ZNF771: variants seen among roughly 807,000 people sequenced by gnomAD.
ZNF771 encodes zinc finger protein 771.
Under a neutral mutation model 27.6 loss-of-function variants are expected in ZNF771, and 10 were observed. The ratio of observed to expected loss-of-function variants is 0.36; its 90% confidence interval spans 0.22 to 0.61. The LOEUF is 0.61. Among genes scored for constraint, ZNF771 ranks in the 20% least tolerant of loss-of-function variants. The pLI is 0.70. For synonymous variants in ZNF771, 261 were observed against 225.2 expected (o/e 1.16, Z -1.43); for missense variants, 438 against 503.7 (o/e 0.87, Z 1.25).
intron 1 of ZNF771, among the ~76,000 whole-genome samples, 182 bp downstream of exon 1, chr16:30,407,846 C>T (rs1339482715): frequency 6.6e-6 from 1 of 151,584 alleles, no homozygotes; most frequent in Non-Finnish European, 1.5e-5. Context: ...GGGGTGAACG[C>T]GAGCCCTCGG....
chr16:30,417,561 G>A lies in ZNF771; in HGVS notation c.148G>A (p.Gly50Ser). The A allele has an allele frequency of 8.2e-7, 1 of 1,220,708 alleles. No homozygotes were observed. Among genetic ancestry groups the A allele is most frequent in the East Asian group, 3.3e-5 (1 of 29,950 alleles). The allele number at this position is 1,220,708 out of a possible 1,614,324, so 75.6% of individuals were successfully genotyped here. A position where few individuals can be genotyped will look rare whatever the true frequency, so the allele number is the denominator to read the frequency against. The change falls in exon 3 of 3, where the codon GGC becomes AGC. Residue 50 changes from glycine (G) to serine (S), a missense_variant. By Grantham distance (56) the Gly-to-Ser change is moderately conservative. Coordinates refer to ENST00000319296, the MANE Select transcript of ZNF771 (RefSeq NM_001142305.2). ...TATCCCCCTCTCCCCGCAGGTCCCG[G>A]GCGAGGCGCCCGCGCCGTCCGCCGA... Reference protein sequence around the residue: ...KIPMDNKEVPGEAPAPSADPA... With the variant: ...KIPMDNKEVPSEAPAPSADPA...
intron 2 of ZNF771, among the ~76,000 whole-genome samples, chr16:30,412,453 G>A (rs1177877167): frequency 2.0e-5 from 3 of 152,292 alleles, no homozygotes; most frequent in Admixed American, 6.5e-5. Flanking sequence ...AGGGGAGGGA[G>A]ACAAGCTGTG....
At chr16:30,414,173 G>A (rs2050121487) in intron 2 of ZNF771, 1 of 152,168 alleles carries the variant, frequency 6.6e-6, no homozygotes, top group Non-Finnish European at 1.5e-5. Flanking sequence ...AGTGGCTGAT[G>A]TATTGAAATA....
At position 30,417,929 on chromosome 16, in the gene ZNF771, G is replaced by A. The variant is rs2151126278; in HGVS notation, c.516G>A (p.Glu172=). Residue 172 remains glutamate (E), a synonymous_variant, in exon 3 of 3, where the codon GAG becomes GAA. Coordinates refer to ENST00000319296, the MANE Select transcript of ZNF771 (RefSeq NM_001142305.2). ...AGCACCTGCGCGTGCACACGGGCGA[G>A]AAGCCGTACGCGTGCCCGGACTGCG... ...YAQHLRVHTG[E]KPYACPDCGR... is the part of the protein sequence containing the mutation. 1 of 1,517,808 alleles carries A rather than the reference G, an allele frequency of 6.6e-7. No homozygotes were observed. The highest frequency in any genetic ancestry group is 8.8e-7 in the Non-Finnish European group (1 of 1,142,680). The allele number at this position is 1,517,808 out of a possible 1,614,324, so 94.0% of individuals were successfully genotyped here.
Position 30,418,991 on chromosome 16 carries a change from T to C in ZNF771, c.*624T>C, listed in dbSNP as rs2050153320. 1 of 152,150 alleles carries C rather than the reference T, an allele frequency of 6.6e-6. No homozygotes were observed. The highest frequency in any genetic ancestry group is 2.1e-4 in the South Asian group (1 of 4,832). 9.4% of individuals were successfully genotyped at this position (152,150 alleles called of 1,614,324 possible). A position where few individuals can be genotyped will look rare whatever the true frequency, so the allele number is the denominator to read the frequency against. On this transcript the variant is annotated 3_prime_UTR_variant, in exon 3 of 3. Transcript: ENST00000319296. The stretch of plus-strand genomic sequence containing the variant: ...TGACTCACGCCTGTAATCCCAGCAC[T>C]TTGGGAGGGCGAGGCTAGCAGATCA...
intron 2 of ZNF771, among the ~76,000 whole-genome samples, chr16:30,416,122 G>A (rs532543217): frequency 4.6e-5 from 7 of 152,250 alleles, no homozygotes; most frequent in African/African-American, 1.7e-4. Flanking sequence ...ATTCAAAGCT[G>A]ATTAAGAGCC....
rs2050145514 is a variant in ZNF771 at position 30,418,002 on chromosome 16, C to T, written c.589C>T (p.His197Tyr). The T allele has an allele frequency of 1.4e-6, 2 of 1,472,966 alleles. No individual in the cohort carries two copies. The highest frequency in any genetic ancestry group is 1.5e-5 in the African/African-American group (1 of 68,184). 91.2% of individuals were successfully genotyped at this position (1,472,966 alleles called of 1,614,324 possible). A position where few individuals can be genotyped will look rare whatever the true frequency, so the allele number is the denominator to read the frequency against. Residue 197 changes from histidine (H) to tyrosine (Y), a missense_variant, in exon 3 of 3, where the codon CAC (histidine) becomes TAC (tyrosine). His to Tyr is a moderately conservative substitution (Grantham distance 83, BLOSUM62 2). This residue lies in a region of ZNF771 where 305 missense variants were observed against 308.0 expected (regional missense o/e 0.99). Coordinates refer to ENST00000319296, the MANE Select transcript of ZNF771 (RefSeq NM_001142305.2). ...GTGCCTGGCGCGCCACCGACGCACGCACACGGGCGAGCGGCCCTACGCTTG... is the reference window on the plus strand; with the variant it reads ...GTGCCTGGCGCGCCACCGACGCACGTACACGGGCGAGCGGCCCTACGCTTG... ...SSCLARHRRT[H>Y]TGERPYACAD...
chr16:30,412,595 C>T (rs566196912), intron 2 of ZNF771, among the ~76,000 whole-genome samples: 1 of 152,212 alleles, frequency 6.6e-6, no homozygotes, highest in African/African-American at 2.4e-5. Flanking sequence ...GAGTTCGAGA[C>T]CAGCCTGGGC....
Position 30,417,806 on chromosome 16 carries a change from C to T in ZNF771, c.393C>T (p.Ala131=), listed in dbSNP as rs753423958. The change falls in exon 3 of 3, where the codon GCC becomes GCT. Residue 131 remains alanine, a synonymous_variant. Transcript: ENST00000319296. ...CPECDKRFSA[A]SNLRQHRRRH... ...AGTGCGACAAACGCTTCTCGGCCGC[C>T]TCGAACCTGCGGCAGCACCGGCGGC... 3.3e-6 allele frequency: 5 copies of T among 1,497,140 alleles called. No individual in the cohort carries two copies. The highest frequency in any genetic ancestry group is 4.4e-6 in the Non-Finnish European group (5 of 1,130,972). 92.7% of individuals were successfully genotyped at this position (1,497,140 alleles called of 1,614,324 possible).
intron 1 of ZNF771, 95 bp from the exon 2 acceptor site, chr16:30,407,950 C>T (rs1367753125): frequency 1.1e-5 from 10 of 876,506 alleles, no homozygotes; most frequent in Middle Eastern, 3.7e-4. Flanking sequence ...GGAGAAGCCA[C>T]GGCTGCACTG....
At position 30,408,032 on chromosome 16, in the gene ZNF771, C is replaced by G; in HGVS notation, c.-9-13C>G. 6.7e-7 allele frequency: 1 copy of G among 1,484,686 alleles called. No homozygotes were observed. Among genetic ancestry groups the G allele is most frequent in the East Asian group, 2.6e-5 (1 of 38,262 alleles). The allele number at this position is 1,484,686 out of a possible 1,614,324, so 92.0% of individuals were successfully genotyped here. ...GGCGGGTCCTGAGCTTCTGATCCAG[C>G]TCCCCGCCTCAGGACACCAAGATGC... On this transcript the variant is annotated splice_polypyrimidine_tract_variant and intron_variant, in intron 1 of 2. Transcript: ENST00000319296.
chr16:30,412,665 C>G (rs914687550), intron 2 of ZNF771, among the ~76,000 whole-genome samples: 1 of 151,970 alleles, frequency 6.6e-6, no homozygotes, highest in Non-Finnish European at 1.5e-5. Context: ...GGTGGCACAC[C>G]CCTGTAGCGC....
Position 30,418,332 on chromosome 16 carries a change from G to C in ZNF771, c.919G>C (p.Ala307Pro). 6.8e-7 allele frequency: 1 copy of C among 1,461,924 alleles called. No individual in the cohort carries two copies. Among genetic ancestry groups the C allele is most frequent in the Non-Finnish European group, 9.0e-7 (1 of 1,109,722 alleles). 90.6% of individuals were successfully genotyped at this position (1,461,924 alleles called of 1,614,324 possible). ...KLPPGATAAT[A>P]TERCPECEGS ...GCCCCCTGGCGCCACGGCCGCCACT[G>C]CCACCGAGCGTTGCCCGGAGTGTGA... The change falls in exon 3 of 3, where the codon GCC becomes CCC. Residue 307 changes from alanine (A) to proline (P), a missense_variant. By Grantham distance (27) the Ala-to-Pro change is conservative. Around this residue, in one of 3 missense-constraint regions of ZNF771, gnomAD observed 305 missense variants for 308.0 expected, o/e 0.99. Transcript: ENST00000319296.
intron 2 of ZNF771, among the ~76,000 whole-genome samples, chr16:30,411,805 G>A (rs932058276): frequency 2.0e-5 from 3 of 152,124 alleles, no homozygotes; most frequent in Non-Finnish European, 2.9e-5. Flanking sequence ...TGGTGACCTC[G>A]AAAACACCTT....
At position 30,418,582 on chromosome 16, in the gene ZNF771, GTAT is replaced by G. The variant is rs1435118534; in HGVS notation, c.*219_*221del. 4.2e-6 allele frequency: 2 copies of G among 480,520 alleles called. No homozygotes were observed. The highest frequency in any genetic ancestry group is 4.1e-5 in the African/African-American group (2 of 49,172). 29.8% of individuals were successfully genotyped at this position (480,520 alleles called of 1,614,324 possible). A position where few individuals can be genotyped will look rare whatever the true frequency, so the allele number is the denominator to read the frequency against. ...CCCTCGGCCCGTGTTAGTGAATAAA[GTAT>G]TATATCCTCACCCCACCCGTGCCTG... On this transcript the variant is annotated 3_prime_UTR_variant, in exon 3 of 3. Coordinates refer to ENST00000319296, the MANE Select transcript of ZNF771 (RefSeq NM_001142305.2).
At chr16:30,411,485 C>T (rs2050103254) in intron 2 of ZNF771, among the ~76,000 whole-genome samples, 2 of 152,210 alleles carry the variant, frequency 1.3e-5, no homozygotes, top group South Asian at 2.1e-4. Context: ...GGGGTATGTG[C>T]GGTGAAGGTC....
chr16:30,413,686 C>T (rs1226999034), intron 2 of ZNF771: 7 of 312,098 alleles, frequency 2.2e-5, no homozygotes, highest in East Asian at 1.9e-4. Flanking sequence ...CCTCCTTCCT[C>T]GGCCTACCAA....
chr16:30,408,081 G>A lies in ZNF771; in HGVS notation c.28G>A (p.Glu10Lys), dbSNP rs1339009810. The A allele has an allele frequency of 6.2e-7, 1 of 1,608,892 alleles. No individual in the cohort carries two copies. Among genetic ancestry groups the A allele is most frequent in the South Asian group, 1.1e-5 (1 of 90,572 alleles). The change falls in exon 2 of 3, where the codon GAG (glutamate) becomes AAG (lysine). Residue 10 changes from glutamate (E) to lysine (K), a missense_variant. Transcript: ENST00000319296. ...GCCTGGCGAACAGCAGGCAGAGGAA[G>A]AGGAGGAGGAAGAGATGCAGGAGGA... is the stretch of plus-strand genomic sequence containing the variant. The part of the protein sequence containing the change: MPGEQQAEE[E>K]EEEEMQEEMV...
rs746091472 is a variant in ZNF771 at position 30,417,874 on chromosome 16, G to A, written c.461G>A (p.Arg154His). 10 of 1,507,400 alleles carry A rather than the reference G, an allele frequency of 6.6e-6. No individual in the cohort carries two copies. Among genetic ancestry groups the A allele is most frequent in the South Asian group, 2.5e-5 (2 of 80,914 alleles). The allele number at this position is 1,507,400 out of a possible 1,614,324, so 93.4% of individuals were successfully genotyped here. A position where few individuals can be genotyped will look rare whatever the true frequency, so the allele number is the denominator to read the frequency against. Reference sequence around the variant, plus strand: ...CCGTACGCATGCGCGCACTGCGGCCGCCGCTTCGCGCAGAGCTCCAACTAC... The same window carrying A: ...CCGTACGCATGCGCGCACTGCGGCCACCGCTTCGCGCAGAGCTCCAACTAC... ...EKPYACAHCG[R>H]RFAQSSNYAQ... The change falls in exon 3 of 3, where the codon CGC becomes CAC. Residue 154 changes from arginine to histidine, a missense_variant. Around this residue, in one of 3 missense-constraint regions of ZNF771, gnomAD observed 305 missense variants for 308.0 expected, o/e 0.99. Transcript: ENST00000319296.
Sources: allele counts gnomAD v4.1 joint callset (sites outside exome capture counted in the v4.1 genomes callset), GRCh38; gene constraint gnomAD v4.1.1; regional missense constraint gnomAD v4.1.1; transcripts MANE v1.5; gene names NCBI Gene and HGNC (gene_info 2026-07-23, HGNC 2026-07-21).